CHODL: variants seen among roughly 807,000 people sequenced by gnomAD.
The protein encoded by CHODL is chondrolectin.
Under a neutral mutation model 34.5 loss-of-function variants are expected in CHODL, and 29 were observed. The ratio of observed to expected loss-of-function variants is 0.84; its 90% confidence interval spans 0.63 to 1.15. CHODL has a LOEUF of 1.15. Among genes scored for constraint, CHODL ranks in the 50% most tolerant of loss-of-function variants. The probability of loss-of-function intolerance (pLI) is 0.00; values close to 1 mark genes in which losing one functional copy is unlikely to be tolerated. For synonymous variants in CHODL, 125 were observed against 116.1 expected (o/e 1.08, Z -0.49); for missense variants, 332 against 332.5 (o/e 1.00, Z 0.01).
intron 2 of CHODL, among the ~76,000 whole-genome samples, chr21:18,051,864 A>T (rs1018294208): frequency 5.3e-5 from 8 of 152,000 alleles, no homozygotes; most frequent in Admixed American, 4.6e-4. Flanking sequence ...TCTTGTTTTT[A>T]TATAAGTTTT....
At chr21:18,096,971 C>T (rs994750601) in intron 2 of CHODL, among the ~76,000 whole-genome samples, 2 of 152,054 alleles carry the variant, frequency 1.3e-5, no homozygotes, top group Admixed American at 6.6e-5. Flanking sequence ...GACCTGCCGA[C>T]ACTTAGCGAA....
At chr21:18,171,401 GTTTCACCTTGTTAGCCAGGATGGTC>G (rs1202335046) in intron 2 of CHODL, among the ~76,000 whole-genome samples, 1 of 149,264 alleles carries the variant, frequency 6.7e-6, no homozygotes, top group African/African-American at 2.5e-5. Context: ...AGAGACGGGG[GTTTCACCTTGTTAGCCAGGATGGTC>G]TCGATCTCCT....
intron 2 of CHODL, among the ~76,000 whole-genome samples, chr21:18,039,074 C>T (rs2064344485): frequency 6.6e-6 from 1 of 151,550 alleles, no homozygotes; most frequent in Non-Finnish European, 1.5e-5. Flanking sequence ...TTCATTCCAT[C>T]CCATTTTGGG....
At chr21:17,939,038 C>T (rs2063342892) in intron 1 of CHODL, among the ~76,000 whole-genome samples, 1 of 152,114 alleles carries the variant, frequency 6.6e-6, no homozygotes, top group South Asian at 2.1e-4. Flanking sequence ...AAAATGCAAA[C>T]ACATTAAAAT....
chr21:18,245,743 T>G, intron 1 of CHODL: 3 of 615,538 alleles, frequency 4.9e-6, no homozygotes, highest in Non-Finnish European at 8.5e-6. Flanking sequence ...CCGTGTTCAC[T>G]CGGATGCTTT....
chr21:18,212,762 G>C (rs11911257), intron 2 of CHODL, among the ~76,000 whole-genome samples: 11,429 of 151,972 alleles, frequency 0.075, 528 homozygotes, highest in African/African-American at 0.13. Flanking sequence ...CTCTTTCTTT[G>C]ATTCTTTCTT....
chr21:18,019,410 A>G (rs158052), intron 1 of CHODL, among the ~76,000 whole-genome samples: 2,408 of 149,194 alleles, frequency 0.016, 69 homozygotes, highest in African/African-American at 0.057. Flanking sequence ...ATTTGATAGC[A>G]CAATAGAGAG....
intron 2 of CHODL, among the ~76,000 whole-genome samples, chr21:18,046,185 C>T (rs1164454429): frequency 6.6e-6 from 1 of 151,768 alleles, no homozygotes; most frequent in Non-Finnish European, 1.5e-5. Flanking sequence ...CAGGCCAACG[C>T]CAGATTCCAA....
intron 2 of CHODL, among the ~76,000 whole-genome samples, chr21:18,122,940 G>A (rs115189600): frequency 3.9e-5 from 6 of 152,118 alleles, no homozygotes; most frequent in Non-Finnish European, 7.4e-5. Context: ...GTTTGTGTAC[G>A]TTTACACAAT....
intron 1 of CHODL, among the ~76,000 whole-genome samples, chr21:17,985,587 A>G (rs527504465): frequency 5.9e-5 from 9 of 152,254 alleles, no homozygotes; most frequent in South Asian, 2.1e-4. Flanking sequence ...TGGTTTGTGT[A>G]TTTGCAATTT....
rs1276449877 is a variant in CHODL, at chr21:17,948,694, G to A, written c.-145+31294G>A. ...TTGCTGGACACATACAATCTATCAA[G>A]ACTGAATCATGAAGAAATAGGAAGT... On this transcript the variant is annotated intron_variant, in intron 1 of 6. Transcript: ENST00000400127. Among the ~76,000 whole-genome samples the A allele has an allele frequency of 3.9e-5, 6 of 152,170 alleles. No individual in the cohort carries two copies. In the East Asian group the frequency reaches 1.2e-3, roughly 29 times the overall value.
intron 1 of CHODL, among the ~76,000 whole-genome samples, chr21:17,962,942 T>C (rs539107543): frequency 6.6e-6 from 1 of 151,898 alleles, no homozygotes; most frequent in Non-Finnish European, 1.5e-5. Flanking sequence ...CGGGCACCTG[T>C]AGTCCCAGCT....
At chr21:18,249,003 T>TGTATA (rs1223514308) in intron 1 of CHODL, among the ~76,000 whole-genome samples, 8 of 109,618 alleles carry the variant, frequency 7.3e-5, no homozygotes, top group African/African-American at 3.3e-4. Flanking sequence ...TATGTATTTA[T>TGTATA]ATATAATATA....
At chr21:17,931,295 G>T (rs1846580826) in intron 1 of CHODL, among the ~76,000 whole-genome samples, 4 of 152,168 alleles carry the variant, frequency 2.6e-5, no homozygotes, top group Admixed American at 2.0e-4. Flanking sequence ...AGGTTGAACT[G>T]CAAAGCCCGA....
At chr21:18,160,901 T>G (rs1296907139) in intron 2 of CHODL, among the ~76,000 whole-genome samples, 1 of 152,170 alleles carries the variant, frequency 6.6e-6, no homozygotes, top group South Asian at 2.1e-4. Context: ...CTTTGAGAAA[T>G]CGCCAAACTG....
At position 18,193,715 on chromosome 21, in the gene CHODL, ATAAAT is replaced by A. The variant is rs1238120584; in HGVS notation, c.-44-62793_-44-62789del. 4.2e-3 allele frequency among the ~76,000 whole-genome samples: 592 copies of A among 142,058 alleles called. 11 individuals are homozygous for A. The highest frequency in any genetic ancestry group is 0.028 in the Admixed American group (381 of 13,750). 93.2% of individuals were successfully genotyped at this position (142,058 alleles called of 152,430 possible). On this transcript the variant is annotated intron_variant, in intron 2 of 6. Coordinates refer to the CHODL transcript ENST00000400127. ...TGTCTCAGAAAAAAAAAAAAATAAA[ATAAAT>A]AAATAAATAAATAAATAAATAAATA...
intron 1 of CHODL, among the ~76,000 whole-genome samples, chr21:18,003,136 C>A (rs73194579): frequency 0.14 from 20,156 of 140,720 alleles, 1,440 homozygotes; most frequent in South Asian, 0.28. Flanking sequence ...AAAAAAAAAA[C>A]AAAAAAAAAA....
intron 1 of CHODL, among the ~76,000 whole-genome samples, chr21:17,966,855 C>T (rs2063575469): frequency 6.6e-6 from 1 of 151,240 alleles, no homozygotes; most frequent in Non-Finnish European, 1.5e-5. Flanking sequence ...TCAATGAAAT[C>T]TTTGCTTTCA....
chr21:18,236,141 T>A (rs1001109157), intron 2 of CHODL, among the ~76,000 whole-genome samples: 3 of 152,074 alleles, frequency 2.0e-5, no homozygotes, highest in Non-Finnish European at 4.4e-5. Flanking sequence ...TCAGGAAACT[T>A]ACTATCATGG....
Sources: allele counts gnomAD v4.1 joint callset (sites outside exome capture counted in the v4.1 genomes callset), GRCh38; gene constraint gnomAD v4.1.1; transcripts MANE v1.5; gene names NCBI Gene and HGNC (gene_info 2026-07-23, HGNC 2026-07-21).